Variants in UBA3 observed in about 807,000 individuals in gnomAD.
UBA3 encodes NEDD8-activating enzyme E1 catalytic subunit.
UBA3 carries 26 observed loss-of-function variants against 73.5 expected under a neutral mutation model. That is an observed-to-expected ratio of 0.35 (90% CI 0.26 to 0.49). The LOEUF (loss-of-function observed/expected upper bound fraction) is 0.49. UBA3 is among the 20% of genes least tolerant of loss of function. UBA3 has a pLI of 0.98. For synonymous variants in UBA3, 217 were observed against 191.2 expected (o/e 1.13, Z -1.11); for missense variants, 495 against 555.6 (o/e 0.89, Z 1.10).
intron 12 of UBA3, among the ~76,000 whole-genome samples, chr3:69,057,050 G>C (rs556593342): frequency 6.6e-6 from 1 of 152,168 alleles, no homozygotes; most frequent in South Asian, 2.1e-4. Flanking sequence ...GCTTCATATG[G>C]AACTAAAACG....
upstream of UBA3, chr3:69,080,370 T>C (rs770013966): frequency 6.3e-7 from 1 of 1,589,258 alleles, no homozygotes; most frequent in East Asian, 2.3e-5. Flanking sequence ...CTCCGCCTCT[T>C]CCCAGGTGCC....
At chr3:69,058,456 G>A (rs906618525) in intron 11 of UBA3, among the ~76,000 whole-genome samples, 10 of 152,148 alleles carry the variant, frequency 6.6e-5, no homozygotes, top group Admixed American at 5.9e-4. Context: ...TAGCTAAGAA[G>A]ACATGAAAGA....
chr3:69,065,856 T>C (rs201963424), intron 6 of UBA3, among the ~76,000 whole-genome samples: 3 of 152,078 alleles, frequency 2.0e-5, no homozygotes, highest in African/African-American at 4.8e-5. Flanking sequence ...GTATCGCTCA[T>C]GGTGGTCTTA....
intron 11 of UBA3, 67 bp downstream of exon 11, chr3:69,061,747 T>C: frequency 2.0e-6 from 2 of 1,007,048 alleles, no homozygotes; most frequent in Non-Finnish European, 1.5e-6. Flanking sequence ...TTATCGATTA[T>C]TCTCCTGAAA....
intron 2 of UBA3, 122 bp downstream of exon 2, chr3:69,079,990 C>CG: frequency 1.1e-6 from 1 of 883,394 alleles, no homozygotes; most frequent in Non-Finnish European, 1.7e-6. Flanking sequence ...TGAGGCAGCG[C>CG]GGCCTGCGCT....
rs758207974 is a variant in UBA3, at chr3:69,056,658, T to C, written c.1037A>G (p.Asn346Ser). 6.8e-6 allele frequency: 11 copies of C among 1,613,390 alleles called. 1 individual carries two copies. Among genetic ancestry groups the C allele is most frequent in the South Asian group, 5.5e-5 (5 of 91,052 alleles). Residue 346 changes from asparagine to serine, a missense_variant, in exon 14 of 18, where the codon AAT (asparagine) becomes AGT (serine). Asn to Ser is a conservative substitution (Grantham distance 46). Transcript: ENST00000361055. ...GTATGTATACAGCCCATCTACATCA[T>C]TAAACACCAAGTAATTATTCAAGGG... ...YIPLNNYLVF[N>S]DVDGLYTYTF...
intron 4 of UBA3, chr3:69,075,044 G>C (rs1203559502): frequency 1.3e-5 from 2 of 153,958 alleles, no homozygotes; most frequent in African/African-American, 4.8e-5. Flanking sequence ...TACCCACCTA[G>C]CTGGGTTATT....
chr3:69,060,041 T>G (rs1391154043), intron 11 of UBA3, among the ~76,000 whole-genome samples: 1 of 152,178 alleles, frequency 6.6e-6, no homozygotes, highest in Non-Finnish European at 1.5e-5. Context: ...GAAGGTCTGA[T>G]GAACAGAATG....
intron 11 of UBA3, among the ~76,000 whole-genome samples, chr3:69,061,199 C>T (rs749586322): frequency 2.0e-5 from 3 of 152,228 alleles, no homozygotes; most frequent in Non-Finnish European, 2.9e-5. Flanking sequence ...AAACTGAAGA[C>T]GATTTCTATT....
intron 4 of UBA3, 36 bp downstream of exon 4, chr3:69,075,394 G>T: frequency 1.9e-6 from 2 of 1,067,146 alleles, no homozygotes; most frequent in Non-Finnish European, 2.4e-6. Context: ...TCACAAAGAA[G>T]AAAAAAATAT....
intron 11 of UBA3, among the ~76,000 whole-genome samples, chr3:69,061,256 G>A (rs1361750321): frequency 1.2e-4 from 19 of 152,206 alleles, no homozygotes; most frequent in African/African-American, 4.1e-4. Flanking sequence ...AAGCAGTGGC[G>A]CAATCTCAGG....
chr3:69,056,188 A>G lies in UBA3; in HGVS notation c.1179T>C (p.Ala393=). The change falls in exon 15 of 18, where the codon GCT becomes GCC. Residue 393 remains alanine, a synonymous_variant. Coordinates refer to ENST00000361055, the MANE Select transcript of UBA3 (RefSeq NM_003968.4). ...CAAAAATCTACAATACTTACAGAGA[A>G]GCACTATTGGTTAGATAATCCAAAA... is the stretch of plus-strand genomic sequence containing the variant. The part of the protein sequence containing the change: ...QEVLDYLTNS[A]SLQMKSPAIT... 6.3e-7 allele frequency: 1 copy of G among 1,581,074 alleles called. No individual in the cohort carries two copies. The highest frequency in any genetic ancestry group is 8.5e-7 in the Non-Finnish European group (1 of 1,169,872).
intron 8 of UBA3, 63 bp downstream of exon 8, chr3:69,063,376 T>C: frequency 6.7e-7 from 1 of 1,493,888 alleles, no homozygotes; most frequent in South Asian, 1.2e-5. Context: ...CAATTCTAAT[T>C]TTGGGGATGT....
chr3:69,055,609 T>C lies in UBA3; in HGVS notation c.1304-84A>G. On this transcript the variant is annotated intron_variant, in intron 17 of 17. Transcript: ENST00000361055. ...CACATGTAAACAAACTACAGAGTAT[T>C]ACGGTCTAGAAAAACATCAAAATCC... 5.7e-6 allele frequency: 6 copies of C among 1,045,668 alleles called. No individual in the cohort carries two copies. The South Asian group carries it at 9.0e-5, about 16-fold the overall frequency. The allele number at this position is 1,045,668 out of a possible 1,614,324, so 64.8% of individuals were successfully genotyped here. A position where few individuals can be genotyped will look rare whatever the true frequency, so the allele number is the denominator to read the frequency against.
At chr3:69,076,764 C>CT (rs1180574665) in intron 3 of UBA3, among the ~76,000 whole-genome samples, 79 of 144,378 alleles carry the variant, frequency 5.5e-4, no homozygotes, top group East Asian at 1.4e-3. Context: ...TTTTTTCTTT[C>CT]TTTTTTTTTT....
chr3:69,067,234 G>T (rs1380535624), intron 6 of UBA3, among the ~76,000 whole-genome samples: 1 of 151,930 alleles, frequency 6.6e-6, no homozygotes, highest in Non-Finnish European at 1.5e-5. Context: ...GATTTTCTTT[G>T]GTTTCTTTCA....
intron 11 of UBA3, among the ~76,000 whole-genome samples, chr3:69,060,104 G>C (rs2092009618): frequency 6.6e-6 from 1 of 152,280 alleles, no homozygotes; most frequent in East Asian, 1.9e-4. Context: ...TCTGTTCTCA[G>C]AGAGTTCAGT....
chr3:69,062,600 T>G (rs1018441310), intron 9 of UBA3, among the ~76,000 whole-genome samples: 1 of 152,198 alleles, frequency 6.6e-6, no homozygotes, highest in African/African-American at 2.4e-5. Flanking sequence ...TTCTTTAAAG[T>G]GGATATGTAA....
chr3:69,069,885 G>C (rs1221235616), intron 5 of UBA3, among the ~76,000 whole-genome samples: 2 of 152,156 alleles, frequency 1.3e-5, no homozygotes, highest in Non-Finnish European at 2.9e-5. Context: ...AGAACTCCTA[G>C]ATGGTTTCTG....
Sources: allele counts gnomAD v4.1 joint callset (sites outside exome capture counted in the v4.1 genomes callset), GRCh38; gene constraint gnomAD v4.1.1; transcripts MANE v1.5; gene names NCBI Gene and HGNC (gene_info 2026-07-23, HGNC 2026-07-21).